The following TRPM3 variants were observed in gnomAD, a reference collection of about 807,000 sequenced individuals.
TRPM3 encodes transient receptor potential cation channel subfamily M member 3.
TRPM3 carries 77 observed loss-of-function variants against 181.2 expected under a neutral mutation model. That is an observed-to-expected ratio of 0.42 (90% CI 0.35 to 0.51). TRPM3 has a LOEUF of 0.51. TRPM3 is among the 20% of genes least tolerant of loss of function. The pLI, the probability that TRPM3 is intolerant of heterozygous loss-of-function variation, is 0.01. For missense variants in TRPM3, 1,759 were observed against 2,196.7 expected (o/e 0.80, Z 3.98); for synonymous variants, 745 against 796.4 (o/e 0.94, Z 1.09).
At chr9:71,177,049 G>C (rs2077139260) in intron 1 of TRPM3, among the ~76,000 whole-genome samples, 1 of 152,034 alleles carries the variant, frequency 6.6e-6, no homozygotes, top group African/African-American at 2.4e-5. Flanking sequence ...ATTACCACCT[G>C]AGCTCCACCT....
At chr9:70,563,125 C>T (rs1236854554) in intron 22 of TRPM3, among the ~76,000 whole-genome samples, 2 of 152,196 alleles carry the variant, frequency 1.3e-5, no homozygotes, top group African/African-American at 4.8e-5. Context: ...TGGCTTCCGC[C>T]ATTACCATAA....
intron 1 of TRPM3, among the ~76,000 whole-genome samples, chr9:71,200,247 A>G (rs2078688519): frequency 6.6e-6 from 1 of 151,896 alleles, no homozygotes; most frequent in Non-Finnish European, 1.5e-5. Flanking sequence ...ACAGTTTGTT[A>G]TAATTTCTGT....
At chr9:70,603,697 C>A (rs1195898714) in intron 19 of TRPM3, among the ~76,000 whole-genome samples, 1 of 152,204 alleles carries the variant, frequency 6.6e-6, no homozygotes, top group Non-Finnish European at 1.5e-5. Flanking sequence ...ATCTCTGGGG[C>A]TCTGGTGCTT....
Position 70,533,627 on chromosome 9 carries a change from T to C in TRPM3, c.*2326A>G, listed in dbSNP as rs1199180370. On this transcript the variant is annotated 3_prime_UTR_variant, in exon 26 of 26. Coordinates refer to ENST00000677713, the MANE Select transcript of TRPM3 (RefSeq NM_001366145.2). ...TTTCTGGAGAGAGAGCCTAGAGTTA[T>C]CGTAGAGCCTCGTAGGGATTCATGA... The C allele has an allele frequency of 6.6e-6, 1 of 152,124 alleles. No individual in the cohort carries two copies. The highest frequency in any genetic ancestry group is 2.4e-5 in the African/African-American group (1 of 41,430). The allele number at this position is 152,124 out of a possible 1,614,324, so 9.4% of individuals were successfully genotyped here.
At chr9:70,999,294 G>C (rs1007825860) in intron 1 of TRPM3, among the ~76,000 whole-genome samples, 4 of 152,160 alleles carry the variant, frequency 2.6e-5, no homozygotes, top group Non-Finnish European at 5.9e-5. Flanking sequence ...CTGGTGAATG[G>C]GGTGGTTTCT....
intron 22 of TRPM3, among the ~76,000 whole-genome samples, chr9:70,570,454 A>G (rs1219419480): frequency 6.6e-6 from 1 of 151,828 alleles, no homozygotes. Context: ...GATTACAGGT[A>G]TGCGCCACCA....
rs192239122 is a variant in TRPM3 at position 71,231,738 on chromosome 9, A to G, written c.183+214915T>C. 2.3e-4 allele frequency among the ~76,000 whole-genome samples: 35 copies of G among 152,324 alleles called. No homozygotes were observed. The East Asian group carries it at 6.2e-3, about 27-fold the overall frequency. ...AGTAGGAGATAAACACTGGGTCAAC[A>G]CGGACATTAACATGGCAACAATAGA... On this transcript the variant is annotated intron_variant, in intron 1 of 24. Coordinates refer to the TRPM3 transcript ENST00000357533.
intron 1 of TRPM3, among the ~76,000 whole-genome samples, chr9:71,340,696 C>A (rs995174243): frequency 4.0e-4 from 61 of 152,084 alleles, no homozygotes; most frequent in Non-Finnish European, 7.4e-5. Context: ...CCGACTAATA[C>A]AGTTGGTATA....
chr9:71,046,929 C>T (rs191413416), intron 1 of TRPM3, among the ~76,000 whole-genome samples: 23 of 152,262 alleles, frequency 1.5e-4, no homozygotes, highest in African/African-American at 4.6e-4. Flanking sequence ...GAATGTTCAA[C>T]GTAATAAGCA....
chr9:70,701,820 C>T (rs988891472), intron 8 of TRPM3, among the ~76,000 whole-genome samples: 3 of 152,122 alleles, frequency 2.0e-5, no homozygotes, highest in African/African-American at 7.2e-5. Context: ...ATGAAAGCAA[C>T]TGCAGTGTCC....
intron 1 of TRPM3, among the ~76,000 whole-genome samples, chr9:71,098,644 C>T (rs1180243341): frequency 6.6e-6 from 1 of 152,156 alleles, no homozygotes; most frequent in Non-Finnish European, 1.5e-5. Context: ...TGACCAGTTA[C>T]ATTCTTTTCA....
intron 5 of TRPM3, among the ~76,000 whole-genome samples, chr9:70,832,137 T>G (rs2093974477): frequency 9.6e-6 from 1 of 103,870 alleles, no homozygotes; most frequent in African/African-American, 3.8e-5. Flanking sequence ...CTCTGGGGAC[T>G]GTTGTGGGGT....
intron 18 of TRPM3, among the ~76,000 whole-genome samples, chr9:70,615,377 T>C (rs2133100420): frequency 6.6e-6 from 1 of 152,320 alleles, no homozygotes; most frequent in African/African-American, 2.4e-5. Flanking sequence ...CCCCCTTCCC[T>C]CTGCAGAACA....
intron 19 of TRPM3, among the ~76,000 whole-genome samples, chr9:70,605,153 A>T (rs2060806750): frequency 6.6e-6 from 1 of 151,832 alleles, no homozygotes. Context: ...CTGAGGTTTC[A>T]TCATGTTGGC....
At chr9:71,062,437 T>C (rs770719347) in intron 1 of TRPM3, among the ~76,000 whole-genome samples, 3 of 152,134 alleles carry the variant, frequency 2.0e-5, no homozygotes, top group Middle Eastern at 3.2e-3. Context: ...ATTCTGCTCA[T>C]TGCAAGAACA....
chr9:70,636,506 C>T (rs977049262), intron 11 of TRPM3, among the ~76,000 whole-genome samples: 4 of 152,056 alleles, frequency 2.6e-5, no homozygotes, highest in African/African-American at 9.7e-5. Flanking sequence ...AGATAAAATC[C>T]AAGATGCCTA....
chr9:70,776,330 C>T (rs2081347597), intron 7 of TRPM3: 2 of 624,986 alleles, frequency 3.2e-6, no homozygotes, highest in Non-Finnish European at 5.7e-6. Context: ...TGGGGTAGGA[C>T]ACTGCAGATG....
intron 1 of TRPM3, among the ~76,000 whole-genome samples, chr9:70,953,558 T>C (rs2097029111): frequency 3.3e-5 from 5 of 152,176 alleles, no homozygotes; most frequent in Admixed American, 6.6e-5. Context: ...TATGTTAAAA[T>C]TTTTGAAGTT....
chr9:70,546,270 C>T (rs2044855728), intron 25 of TRPM3, among the ~76,000 whole-genome samples: 1 of 152,212 alleles, frequency 6.6e-6, no homozygotes, highest in Non-Finnish European at 1.5e-5. Context: ...TCAACATTAA[C>T]ATCAGTATCA....
Sources: gnomAD v4.1 joint callset for allele counts (sites outside exome capture counted in the v4.1 genomes callset) on GRCh38, gnomAD v4.1.1 for gene constraint, MANE v1.5 for transcripts, NCBI Gene and HGNC (gene_info 2026-07-23, HGNC 2026-07-21) for gene names.